The following AOPEP variants were observed in gnomAD, a reference collection of about 807,000 sequenced individuals.
AOPEP encodes aminopeptidase O (putative).
A neutral mutation model predicts 98.1 loss-of-function variants in AOPEP; 77 were observed. The ratio of observed to expected loss-of-function variants is 0.78; its 90% CI spans 0.65 to 0.95. AOPEP has a LOEUF of 0.95. Ranked by LOEUF, AOPEP falls within the 40% of genes least tolerant of loss-of-function variation. AOPEP has a pLI of 0.00. For missense variants in AOPEP, 1,024 were observed against 1,024.7 expected (o/e 1.00, Z 0.01); for synonymous variants, 346 against 365.3 (o/e 0.95, Z 0.60).
At position 95,005,154 on chromosome 9, in the gene AOPEP, G is replaced by A; in HGVS notation, c.1978-4G>A. Reference sequence around the variant, plus strand: ...AAACTTGACTGTGTCCTCTTCCCCCGCAGCCGCTGCAGAGGGAGCGTCGCG... The same window carrying A: ...AAACTTGACTGTGTCCTCTTCCCCCACAGCCGCTGCAGAGGGAGCGTCGCG... On this transcript the variant is annotated splice_polypyrimidine_tract_variant and splice_region_variant and intron_variant, in intron 11 of 16. Coordinates refer to ENST00000375315, the MANE Select transcript of AOPEP (RefSeq NM_001193329.3). 4 of 1,144,354 alleles carry A rather than the reference G, an allele frequency of 3.5e-6. No individual in the cohort carries two copies. The highest frequency in any genetic ancestry group is 4.3e-6 in the Non-Finnish European group (4 of 929,300). The allele number at this position is 1,144,354 out of a possible 1,614,324, so 70.9% of individuals were successfully genotyped here. A position where few individuals can be genotyped will look rare whatever the true frequency, so the allele number is the denominator to read the frequency against.
chr9:95,030,057 A>G (rs2064165387), intron 13 of AOPEP, among the ~76,000 whole-genome samples: 2 of 152,210 alleles, frequency 1.3e-5, no homozygotes, highest in South Asian at 4.1e-4. Flanking sequence ...AGTTCAGCAT[A>G]TTTAGTTTCT....
chr9:94,834,873 A>ATTT (rs1193292676), intron 5 of AOPEP, among the ~76,000 whole-genome samples: 2 of 151,982 alleles, frequency 1.3e-5, no homozygotes, highest in African/African-American at 4.8e-5. Flanking sequence ...AACAAAAAAG[A>ATTT]TTTTTTATCT....
chr9:94,823,716 A>G (rs1853801174), intron 5 of AOPEP, among the ~76,000 whole-genome samples: 1 of 152,182 alleles, frequency 6.6e-6, no homozygotes, highest in South Asian at 2.1e-4. Flanking sequence ...GGTAGTAGCT[A>G]TCTTTTCAAA....
chr9:94,855,191 C>T (rs896050810), intron 5 of AOPEP, among the ~76,000 whole-genome samples: 4 of 152,100 alleles, frequency 2.6e-5, no homozygotes, highest in Non-Finnish European at 5.9e-5. Context: ...GATTCTCCTA[C>T]CTCAGCCTCC....
chr9:95,136,635 C>T, the AOPEP span, among the ~76,000 whole-genome samples: 4 of 152,176 alleles, frequency 2.6e-5, no homozygotes, highest in East Asian at 5.8e-4. Flanking sequence ...TACAGGTGCA[C>T]GTCACCACAT....
chr9:94,928,219 G>T (rs4744412), intron 6 of AOPEP, among the ~76,000 whole-genome samples: 86,998 of 152,024 alleles, frequency 0.57, 25,648 homozygotes, highest in African/African-American at 0.73. Context: ...CCAGCTCCAC[G>T]GCCAGCAGCA....
the AOPEP span, chr9:95,150,071 C>T: frequency 2.5e-6 from 4 of 1,614,124 alleles, no homozygotes; most frequent in Admixed American, 3.3e-5. Flanking sequence ...AGGGACGCCA[C>T]TCGCTCGGGA....
the AOPEP span, chr9:95,114,471 T>C: frequency 5.3e-6 from 4 of 749,946 alleles, no homozygotes; most frequent in Non-Finnish European, 9.6e-6. Context: ...CGTGCAGCCA[T>C]GCGCTTCCTC....
intron 13 of AOPEP, among the ~76,000 whole-genome samples, chr9:95,041,973 C>G (rs892499497): frequency 6.6e-6 from 1 of 152,094 alleles, no homozygotes; most frequent in African/African-American, 2.4e-5. Context: ...AAACCTTCCT[C>G]TTTTAAAAGG....
rs1037229488 is a variant in AOPEP, at chr9:94,822,668, G to C, written c.1364+21666G>C. Among the ~76,000 whole-genome samples, 7 of 152,126 alleles carry C rather than the reference G, an allele frequency of 4.6e-5. No individual in the cohort carries two copies. In the East Asian group the frequency reaches 1.3e-3, roughly 29 times the overall value. On this transcript the variant is annotated intron_variant, in intron 5 of 16. Coordinates refer to ENST00000375315, the MANE Select transcript of AOPEP (RefSeq NM_001193329.3). ...ATTTTCTGATTCTCTTCATTGCTCG[G>C]AAATTAAGAAGTCTGAAACCAGACA...
intron 5 of AOPEP, among the ~76,000 whole-genome samples, chr9:94,842,752 A>T (rs949998562): frequency 2.0e-5 from 3 of 152,192 alleles, no homozygotes; most frequent in Non-Finnish European, 4.4e-5. Flanking sequence ...CTCAATTTAC[A>T]TTCATTTGAC....
chr9:94,927,691 GCCCCAGGCCCT>G (rs1446865767), intron 6 of AOPEP, among the ~76,000 whole-genome samples: 1 of 152,194 alleles, frequency 6.6e-6, no homozygotes, highest in African/African-American at 2.4e-5. Flanking sequence ...CCTGGCTGCT[GCCCCAGGCCCT>G]GTCTGTAATG....
At chr9:94,833,883 T>A (rs1033756670) in intron 5 of AOPEP, among the ~76,000 whole-genome samples, 1 of 150,900 alleles carries the variant, frequency 6.6e-6, no homozygotes, top group Non-Finnish European at 1.5e-5. Context: ...AATTAAGTAA[T>A]GGTAGAATGA....
chr9:94,915,809 G>C (rs973975566), intron 5 of AOPEP, among the ~76,000 whole-genome samples: 4 of 152,238 alleles, frequency 2.6e-5, no homozygotes, highest in Non-Finnish European at 5.9e-5. Context: ...GCTTCTTGCT[G>C]TCAGTTGGGG....
At chr9:94,936,567 CTT>C (rs1291622572) in intron 7 of AOPEP, among the ~76,000 whole-genome samples, 1 of 152,150 alleles carries the variant, frequency 6.6e-6, no homozygotes, top group Non-Finnish European at 1.5e-5. Context: ...ACACAGAAGA[CTT>C]CTGTGGCCAA....
At chr9:94,916,541 TA>T in intron 5 of AOPEP, among the ~76,000 whole-genome samples, 1 of 151,870 alleles carries the variant, frequency 6.6e-6, no homozygotes, top group Admixed American at 6.6e-5. Context: ...CCGTCTCTAC[TA>T]AAATACAAAA....
At chr9:94,897,279 A>G (rs915505713) in intron 5 of AOPEP, among the ~76,000 whole-genome samples, 1 of 152,182 alleles carries the variant, frequency 6.6e-6, no homozygotes, top group African/African-American at 2.4e-5. Context: ...AGTCAAATAC[A>G]TTCAGATTTT....
At chr9:95,027,947 C>A (rs148094425) in intron 13 of AOPEP, among the ~76,000 whole-genome samples, 1 of 152,200 alleles carries the variant, frequency 6.6e-6, no homozygotes. Context: ...ATAACCCTCT[C>A]GTCGTGGGTG....
At position 94,760,132 on chromosome 9, in the gene AOPEP, G is replaced by C; in HGVS notation, c.349G>C (p.Asp117His). The C allele has an allele frequency of 1.2e-6, 2 of 1,614,198 alleles. No homozygotes were observed. Among genetic ancestry groups the C allele is most frequent in the East Asian group, 4.5e-5 (2 of 44,894 alleles). Reference protein sequence around the residue: ...KDTSDKDGNHDNQEHASGISS... With the variant: ...KDTSDKDGNHHNQEHASGISS... ...TACTTCTGATAAAGATGGTAACCAT[G>C]ACAACCAGGAACATGCTTCTGGGAT... The change falls in exon 2 of 17, where the codon GAC (aspartate) becomes CAC (histidine). Residue 117 changes from aspartate (D) to histidine (H), a missense_variant. Physicochemically the swap from Asp to His is moderately conservative, Grantham distance 81 (BLOSUM62 -1). This residue lies in a region of AOPEP where 440 missense variants were observed against 433.8 expected (regional missense o/e 1.01). Transcript: ENST00000375315.
Sources: allele counts gnomAD v4.1 joint callset (sites outside exome capture counted in the v4.1 genomes callset), GRCh38; gene constraint gnomAD v4.1.1; regional missense constraint gnomAD v4.1.1; transcripts MANE v1.5; gene names NCBI Gene and HGNC (gene_info 2026-07-23, HGNC 2026-07-21).